The following IRF2 variants were observed in gnomAD, a reference collection of about 807,000 sequenced individuals.
IRF2 encodes the protein interferon regulatory factor 2.
IRF2 carries 15 observed loss-of-function variants against 40.6 expected under a neutral mutation model. The ratio of observed to expected loss-of-function variants is 0.37; its 90% CI spans 0.25 to 0.57. IRF2 has a LOEUF of 0.57. Ranked by LOEUF, IRF2 falls within the 20% of genes least tolerant of loss-of-function variation. The probability of loss-of-function intolerance (pLI) is 0.77; values close to 1 mark genes in which losing one functional copy is unlikely to be tolerated. For synonymous variants in IRF2, 151 were observed against 165.5 expected, an observed-to-expected ratio of 0.91 and a Z score of 0.67; for missense variants, 317 against 455.7, an observed-to-expected ratio of 0.70 and a Z score of 2.77.
chr4:184,467,656 T>C (rs1416685622), intron 1 of IRF2, among the ~76,000 whole-genome samples: 1 of 152,260 alleles, frequency 6.6e-6, no homozygotes, highest in East Asian at 1.9e-4. Context: ...GTATTCTGTC[T>C]ACAGAGTACT....
intron 5 of IRF2, among the ~76,000 whole-genome samples, chr4:184,409,917 A>T (rs1737010848): frequency 1.3e-5 from 2 of 150,906 alleles, no homozygotes; most frequent in Admixed American, 1.3e-4. Context: ...AAAAAAAAAA[A>T]GTCTGCCCCT....
rs573232514 is a variant in IRF2, at chr4:184,470,146, C to T, written c.-7+4233G>A. On this transcript the variant is annotated intron_variant, in intron 1 of 8. Coordinates refer to ENST00000393593, the MANE Select transcript of IRF2 (RefSeq NM_002199.4). The stretch of plus-strand genomic sequence containing the variant: ...GGGGGCCGACGGGGCAGGCAGAGAC[C>T]GAAGGTCCTGACCTCCTACCCCTGT... 2.0e-5 allele frequency among the ~76,000 whole-genome samples: 3 copies of T among 152,196 alleles called. No homozygotes were observed. The East Asian group carries it at 5.8e-4, about 29-fold the overall frequency.
intron 1 of IRF2, among the ~76,000 whole-genome samples, chr4:184,440,399 G>A (rs1012655075): frequency 3.3e-5 from 5 of 152,208 alleles, no homozygotes; most frequent in South Asian, 2.1e-4. Context: ...ACAAGACTAC[G>A]TAGGCTTATA....
At chr4:184,407,835 A>T (rs1561090914) in intron 6 of IRF2, among the ~76,000 whole-genome samples, 1 of 152,306 alleles carries the variant, frequency 6.6e-6, no homozygotes, top group East Asian at 1.9e-4. Flanking sequence ...TTGGTTCCCG[A>T]GTTAAATAAA....
chr4:184,460,707 A>G (rs793799), intron 1 of IRF2, among the ~76,000 whole-genome samples: 25,179 of 151,638 alleles, frequency 0.17, 2,467 homozygotes, highest in Middle Eastern at 0.28. Flanking sequence ...ATGCACACGC[A>G]CACACACACA....
intron 1 of IRF2, among the ~76,000 whole-genome samples, chr4:184,440,222 C>T (rs1384455274): frequency 6.6e-6 from 1 of 152,238 alleles, no homozygotes; most frequent in East Asian, 1.9e-4. Flanking sequence ...CAGACCATCC[C>T]CATTACCCAC....
At chr4:184,396,339 C>T (rs949973745) in intron 7 of IRF2, among the ~76,000 whole-genome samples, 8 of 152,066 alleles carry the variant, frequency 5.3e-5, no homozygotes, top group Admixed American at 3.3e-4. Context: ...TTGGCATCAA[C>T]GGCTCATGGG....
At chr4:184,418,379 C>T (rs1385655196) in intron 4 of IRF2, 153 bp downstream of exon 4, 10 of 962,598 alleles carry the variant, frequency 1.0e-5, no homozygotes, top group Non-Finnish European at 1.6e-5. Flanking sequence ...AATCGAAAGT[C>T]TTGTTTCCAA....
rs3832301 is a variant in IRF2, at chr4:184,387,821, T to TAA, written c.*935_*936dup. 1,007 of 148,718 alleles carry TAA rather than the reference T, an allele frequency of 6.8e-3. 4 individuals are homozygous for TAA. Among genetic ancestry groups the TAA allele is most frequent in the Non-Finnish European group, 0.012 (771 of 66,872 alleles). 9.2% of individuals were successfully genotyped at this position (148,718 alleles called of 1,614,324 possible). Reference sequence around the variant, plus strand: ...AAAGCTTTTTTCACCTTTACAAAATTAAAAAAAAAAATGTGCCACAAGGAT... The same window carrying TAA: ...AAAGCTTTTTTCACCTTTACAAAATTAAAAAAAAAAAAATGTGCCACAAGGAT... On this transcript the variant is annotated 3_prime_UTR_variant, in exon 9 of 9. Coordinates refer to ENST00000393593, the MANE Select transcript of IRF2 (RefSeq NM_002199.4).
At chr4:184,426,394 T>C (rs1455319423) in intron 2 of IRF2, among the ~76,000 whole-genome samples, 3 of 152,150 alleles carry the variant, frequency 2.0e-5, no homozygotes, top group Non-Finnish European at 4.4e-5. Context: ...GGCTGCCTAT[T>C]TCCAGTCTCT....
intron 6 of IRF2, among the ~76,000 whole-genome samples, chr4:184,403,844 G>T (rs1047472573): frequency 6.6e-6 from 1 of 152,080 alleles, no homozygotes; most frequent in African/African-American, 2.4e-5. Context: ...TTCTCAAACA[G>T]AAGAACTAGA....
At position 184,388,680 on chromosome 4, in the gene IRF2, G is replaced by A; in HGVS notation, c.*78C>T. The A allele has an allele frequency of 1.4e-6, 2 of 1,442,812 alleles. No homozygotes were observed. Among genetic ancestry groups the A allele is most frequent in the African/African-American group, 2.9e-5 (2 of 69,730 alleles). 89.4% of individuals were successfully genotyped at this position (1,442,812 alleles called of 1,614,324 possible). A position where few individuals can be genotyped will look rare whatever the true frequency, so the allele number is the denominator to read the frequency against. On this transcript the variant is annotated 3_prime_UTR_variant, in exon 9 of 9. Transcript: ENST00000393593. The surrounding 1 kb of genome is among the most constrained non-coding windows in gnomAD (Gnocchi z 4.6). ...TTAGATTTGTCTAAAATAGGTGTCA[G>A]AGAGAAAAAAATAAAATACAAACAA...
chr4:184,437,876 G>A (rs1202651941), intron 1 of IRF2, among the ~76,000 whole-genome samples: 14 of 151,390 alleles, frequency 9.2e-5, no homozygotes, highest in Admixed American at 9.2e-4. Context: ...ACGCGTATAG[G>A]AATCTAACAG....
chr4:184,439,408 T>A (rs1301217981), intron 1 of IRF2, among the ~76,000 whole-genome samples: 2 of 151,790 alleles, frequency 1.3e-5, no homozygotes, highest in Non-Finnish European at 2.9e-5. Context: ...GAATTTTTTT[T>A]ATTATCCTAG....
intron 2 of IRF2, among the ~76,000 whole-genome samples, chr4:184,423,265 G>A (rs570845166): frequency 3.9e-5 from 6 of 152,156 alleles, no homozygotes; most frequent in South Asian, 2.1e-4. Context: ...ATAGACAGAC[G>A]CGCCATGCCA....
intron 5 of IRF2, among the ~76,000 whole-genome samples, chr4:184,412,050 T>G (rs1220746722): frequency 6.7e-6 from 1 of 149,768 alleles, no homozygotes; most frequent in Non-Finnish European, 1.5e-5. Context: ...GGGTCCAGAC[T>G]TCTCCACGGT....
At chr4:184,435,572 G>A (rs1242100416) in intron 1 of IRF2, among the ~76,000 whole-genome samples, 1 of 152,082 alleles carries the variant, frequency 6.6e-6, no homozygotes. Context: ...AAATTAGGGG[G>A]GCAAGATCTA....
At chr4:184,463,088 A>G (rs536454757) in intron 1 of IRF2, among the ~76,000 whole-genome samples, 2 of 152,372 alleles carry the variant, frequency 1.3e-5, no homozygotes, top group African/African-American at 4.8e-5. Flanking sequence ...CATTCATCTC[A>G]TCAAGATGCA....
At chr4:184,429,091 C>T (rs372111946) in intron 1 of IRF2, 21 bp from the exon 2 acceptor site, 10 of 1,598,856 alleles carry the variant, frequency 6.3e-6, no homozygotes, top group Middle Eastern at 1.7e-4. Context: ...AGAAACACAG[C>T]GTCAGGCGTT....
Sources: gnomAD v4.1 joint callset for allele counts (sites outside exome capture counted in the v4.1 genomes callset) on GRCh38, gnomAD v4.1.1 for gene constraint, Gnocchi (gnomAD v3.1) non-coding constraint, MANE v1.5 for transcripts, NCBI Gene and HGNC (gene_info 2026-07-23, HGNC 2026-07-21) for gene names.